The following ATM variants were observed in gnomAD, a reference collection of about 807,000 sequenced individuals.
The protein encoded by ATM is ATM serine/threonine kinase.
Under a neutral mutation model 387.0 loss-of-function variants are expected in ATM, and 308 were observed. The ratio of observed to expected loss-of-function variants is 0.80; its 90% CI spans 0.73 to 0.87. The LOEUF (loss-of-function observed/expected upper bound fraction) is 0.87. Among genes scored for constraint, ATM ranks in the 40% least tolerant of loss-of-function variants. The pLI, the probability that ATM is intolerant of heterozygous loss-of-function variation, is 0.00. For synonymous variants in ATM, 1,156 were observed against 1,187.3 expected (o/e 0.97, Z 0.54); for missense variants, 3,312 against 3,560.9 (o/e 0.93, Z 1.78).
chr11:108,348,315 A>T (rs1230989969), intron 59 of ATM, among the ~76,000 whole-genome samples: 1 of 151,782 alleles, frequency 6.6e-6, no homozygotes, highest in Non-Finnish European at 1.5e-5. Context: ...TGATGAATTT[A>T]GTTTTGCTCA....
intron 22 of ATM, among the ~76,000 whole-genome samples, chr11:108,274,697 C>A (rs917262189): frequency 4.6e-5 from 7 of 152,202 alleles, no homozygotes; most frequent in Non-Finnish European, 1.0e-4. Context: ...GTTTCTTAAT[C>A]CTCAGTTCTA....
In ATM at chr11:108,317,263, T is replaced by C. The variant is rs146793116; in HGVS notation, c.6199-110T>C. ...TGATATTTTGGGATTTTAAATGATA[T>C]TGTGAACTAAAATTTGTCTAAGTTA... On this transcript the variant is annotated intron_variant, in intron 42 of 62. Transcript: ENST00000675843. 7.2e-3 allele frequency: 8,462 copies of C among 1,177,382 alleles called. 48 individuals are homozygous for C. Among genetic ancestry groups the C allele is most frequent in the Non-Finnish European group, 9.4e-3 (7,720 of 817,858 alleles). 72.9% of individuals were successfully genotyped at this position (1,177,382 alleles called of 1,614,324 possible). A position where few individuals can be genotyped will look rare whatever the true frequency, so the allele number is the denominator to read the frequency against.
At chr11:108,299,593 G>A (rs1009080783) in intron 33 of ATM, 121 bp from the exon 34 acceptor site, 18 of 1,025,926 alleles carry the variant, frequency 1.8e-5, no homozygotes, top group African/African-American at 6.3e-5. Flanking sequence ...CACCGCACTC[G>A]GCCTTAAGGT....
intron 61 of ATM, among the ~76,000 whole-genome samples, chr11:108,360,233 A>G (rs1339266684): frequency 2.5e-4 from 37 of 147,268 alleles, no homozygotes; most frequent in Non-Finnish European, 3.9e-4. Flanking sequence ...ACACTCTCCC[A>G]AGACTAAACC....
At chr11:108,266,893 T>C (rs1443675244) in intron 16 of ATM, among the ~76,000 whole-genome samples, 1 of 151,672 alleles carries the variant, frequency 6.6e-6, no homozygotes, top group African/African-American at 2.4e-5. Context: ...CCTCCTGAGT[T>C]CAAGTGATTC....
intron 61 of ATM, among the ~76,000 whole-genome samples, chr11:108,361,591 A>G (rs2090764625): frequency 6.6e-6 from 1 of 151,980 alleles, no homozygotes; most frequent in African/African-American, 2.4e-5. Flanking sequence ...TACTGGTACC[A>G]AAACAGAGAT....
chr11:108,274,865 C>T (rs1342843802), intron 22 of ATM, among the ~76,000 whole-genome samples: 1 of 152,138 alleles, frequency 6.6e-6, no homozygotes, highest in Non-Finnish European at 1.5e-5. Context: ...GTGGAGAGTT[C>T]TGTAGATGTC....
chr11:108,335,248 G>A (rs2086710652), intron 55 of ATM, 139 bp downstream of exon 55: 18 of 1,539,390 alleles, frequency 1.2e-5, no homozygotes, highest in Non-Finnish European at 1.5e-5. Flanking sequence ...GAGTAGAAAT[G>A]CATTATTTTC....
intron 8 of ATM, among the ~76,000 whole-genome samples, chr11:108,247,884 G>A (rs1288187880): frequency 6.6e-6 from 1 of 151,956 alleles, no homozygotes; most frequent in Non-Finnish European, 1.5e-5. Context: ...GTGAGCCACC[G>A]TGCCCAGCCC....
At chr11:108,263,197 A>G (rs1243040882) in intron 16 of ATM, among the ~76,000 whole-genome samples, 32 of 143,204 alleles carry the variant, frequency 2.2e-4, no homozygotes, top group African/African-American at 7.3e-4. Flanking sequence ...TTTCAGCACC[A>G]CACCACACCT....
chr11:108,232,729 G>A lies in ATM; in HGVS notation c.332-2941G>A, dbSNP rs184735874. Among the ~76,000 whole-genome samples the A allele has an allele frequency of 2.8e-3, 421 of 151,734 alleles. 1 individual carries two copies. Among genetic ancestry groups the A allele is most frequent in the African/African-American group, 8.5e-3 (350 of 41,412 alleles). On this transcript the variant is annotated intron_variant, in intron 4 of 62. Transcript: ENST00000675843. The stretch of plus-strand genomic sequence containing the variant: ...TAATTTTTGTATTTTTAGTAGAGAC[G>A]AGGGTTTTGCCATGTTGGCCAGGCT...
chr11:108,292,810 T>C lies in ATM; in HGVS notation c.4611+17T>C, dbSNP rs768500911. 1.2e-6 allele frequency: 2 copies of C among 1,612,368 alleles called. No homozygotes were observed. Among genetic ancestry groups the C allele is most frequent in the Admixed American group, 1.7e-5 (1 of 60,010 alleles). ...CAGAAACAGGTAATTTTCTGACTCA[T>C]CTTCAAAATGGTATTTAAAATATAT... On this transcript the variant is annotated intron_variant, in intron 30 of 62. Coordinates refer to ENST00000675843, the MANE Select transcript of ATM (RefSeq NM_000051.4).
rs2091439851 is a variant in ATM, at chr11:108,368,338, G to A, written c.*2830G>A. 1 of 202,470 alleles carries A rather than the reference G, an allele frequency of 4.9e-6. No individual in the cohort carries two copies. The highest frequency in any genetic ancestry group is 1.0e-5 in the Non-Finnish European group (1 of 99,558). The allele number at this position is 202,470 out of a possible 1,614,324, so 12.5% of individuals were successfully genotyped here. A position where few individuals can be genotyped will look rare whatever the true frequency, so the allele number is the denominator to read the frequency against. On this transcript the variant is annotated 3_prime_UTR_variant, in exon 63 of 63. Transcript: ENST00000675843. Reference sequence around the variant, plus strand: ...GCAAGCTGGAACTCTTTCTGCAAATGACTAAGATAGAAAACTGCCAAGGAC... The same window carrying A: ...GCAAGCTGGAACTCTTTCTGCAAATAACTAAGATAGAAAACTGCCAAGGAC...
rs773169285 is a variant in ATM, at chr11:108,281,035, A to G, written c.3443A>G (p.Tyr1148Cys). 2 of 1,613,482 alleles carry G rather than the reference A, an allele frequency of 1.2e-6. No individual in the cohort carries two copies. The highest frequency in any genetic ancestry group is 8.5e-7 in the Non-Finnish European group (1 of 1,179,708). Residue 1148 changes from tyrosine (Y) to cysteine (C), a missense_variant, in exon 24 of 63, where the codon TAT (tyrosine) becomes TGT (cysteine). By Grantham distance (194) the Tyr-to-Cys change is radical (BLOSUM62 -2). Coordinates refer to ENST00000675843, the MANE Select transcript of ATM (RefSeq NM_000051.4). ...AACCCTGAAACTTTGGATGAAATTT[A>G]TAATAGAAAATCTGTTTTACTGACG... Reference protein sequence around the residue: ...AENPETLDEIYNRKSVLLTLI... With the variant: ...AENPETLDEICNRKSVLLTLI...
At chr11:108,227,995 A>G (rs2078832362) in intron 3 of ATM, 107 bp downstream of exon 3, 6 of 901,038 alleles carry the variant, frequency 6.7e-6, no homozygotes, top group South Asian at 6.1e-5. Context: ...TTTGCTTCCT[A>G]TATATCATTA....
chr11:108,292,210 G>A (rs920849802), intron 29 of ATM, among the ~76,000 whole-genome samples: 1 of 152,174 alleles, frequency 6.6e-6, no homozygotes, highest in African/African-American at 2.4e-5. Context: ...GTCTCACACC[G>A]AGGATATAGG....
intron 61 of ATM, among the ~76,000 whole-genome samples, chr11:108,358,743 G>A (rs947083013): frequency 4.7e-4 from 70 of 149,614 alleles, no homozygotes; most frequent in Non-Finnish European, 8.5e-4. Context: ...ACAAGCAAAT[G>A]CTGAGAGATT....
intron 15 of ATM, 135 bp downstream of exon 15, chr11:108,257,741 TC>T: frequency 1.1e-6 from 1 of 907,752 alleles, no homozygotes; most frequent in East Asian, 2.6e-5. Flanking sequence ...TGCCTCAGCC[TC>T]CCAAGTAATT....
intron 27 of ATM, 75 bp downstream of exon 27, chr11:108,287,790 C>T: frequency 1.9e-6 from 2 of 1,031,202 alleles, no homozygotes; most frequent in East Asian, 2.5e-5. Context: ...TTGACACCTT[C>T]AATGTCTATT....
Sources: gnomAD v4.1 joint callset for allele counts (sites outside exome capture counted in the v4.1 genomes callset) on GRCh38, gnomAD v4.1.1 for gene constraint, MANE v1.5 for transcripts, NCBI Gene and HGNC (gene_info 2026-07-23, HGNC 2026-07-21) for gene names.